Variants in MOB3B observed in about 807,000 individuals in gnomAD.
MOB3B encodes MOB kinase activator 3B.
Under a neutral mutation model 18.7 loss-of-function variants are expected in MOB3B, and 7 were observed. That is an observed-to-expected ratio of 0.37 (90% CI 0.21 to 0.70). The LOEUF is 0.70. Among genes scored for constraint, MOB3B ranks in the 30% least tolerant of loss-of-function variants. The pLI, the probability that MOB3B is intolerant of heterozygous loss-of-function variation, is 0.52. For missense variants in MOB3B, 253 were observed against 281.3 expected, an observed-to-expected ratio of 0.90 and a Z score of 0.72; for synonymous variants, 111 against 99.9, an observed-to-expected ratio of 1.11 and a Z score of -0.66.
At chr9:27,419,176 C>T (rs1463398201) in intron 2 of MOB3B, among the ~76,000 whole-genome samples, 1 of 151,596 alleles carries the variant, frequency 6.6e-6, no homozygotes, top group Non-Finnish European at 1.5e-5. Context: ...CATATGGAAA[C>T]TCATCCCATG....
chr9:27,420,554 T>TATATAC (rs1822230365), intron 2 of MOB3B, among the ~76,000 whole-genome samples: 4 of 31,156 alleles, frequency 1.3e-4, no homozygotes, highest in African/African-American at 4.9e-4. Context: ...ATTCCATATA[T>TATATAC]ATATATATAT....
Position 27,368,924 on chromosome 9 carries a change from C to T in MOB3B, c.419-9688G>A, listed in dbSNP as rs61261339. ...AGCATCCCCAGCTCCCAGATGGCTG[C>T]CTTTGTCCCCTGCTTTCACAGCATG... On this transcript the variant is annotated intron_variant, in intron 2 of 3. Transcript: ENST00000262244. Among the ~76,000 whole-genome samples the T allele has an allele frequency of 4.4e-3, 663 of 152,280 alleles. 2 individuals are homozygous for T. The highest frequency in any genetic ancestry group is 0.015 in the African/African-American group (609 of 41,552).
chr9:27,521,528 T>C (rs185500462), intron 1 of MOB3B, among the ~76,000 whole-genome samples: 214 of 152,292 alleles, frequency 1.4e-3, no homozygotes, highest in African/African-American at 4.8e-3. Context: ...TATACAATTA[T>C]CTGTTTTTTA....
chr9:27,452,206 GTCCATCCATCCA>G (rs74178389), intron 2 of MOB3B, among the ~76,000 whole-genome samples: 5 of 151,644 alleles, frequency 3.3e-5, no homozygotes, highest in Admixed American at 1.3e-4. Flanking sequence ...CCACCCACCC[GTCCATCCATCCA>G]TCCATCCATC....
At chr9:27,334,030 T>C (rs929385051) in intron 3 of MOB3B, among the ~76,000 whole-genome samples, 1 of 152,238 alleles carries the variant, frequency 6.6e-6, no homozygotes, top group South Asian at 2.1e-4. Flanking sequence ...AGCTCCTTTC[T>C]TGGGTATCTC....
At chr9:27,331,809 T>A (rs1330351883) in intron 3 of MOB3B, among the ~76,000 whole-genome samples, 1 of 152,170 alleles carries the variant, frequency 6.6e-6, no homozygotes, top group Non-Finnish European at 1.5e-5. Flanking sequence ...CCACACCTTA[T>A]ATAATAGGAA....
At chr9:27,417,101 C>G (rs901194175) in intron 2 of MOB3B, among the ~76,000 whole-genome samples, 1 of 152,172 alleles carries the variant, frequency 6.6e-6, no homozygotes. Context: ...CAGTGGCTCA[C>G]GCCTGTAATC....
intron 2 of MOB3B, among the ~76,000 whole-genome samples, chr9:27,415,653 G>A (rs1391536494): frequency 3.9e-5 from 6 of 152,136 alleles, no homozygotes. Context: ...CAACAGGCTA[G>A]CAGAGCCCCA....
chr9:27,417,406 AAAC>A (rs1372249735), intron 2 of MOB3B, among the ~76,000 whole-genome samples: 12 of 152,010 alleles, frequency 7.9e-5, no homozygotes, highest in African/African-American at 1.2e-4. Context: ...CAAACAAACA[AAAC>A]GTCAAATGCC....
intron 1 of MOB3B, among the ~76,000 whole-genome samples, chr9:27,525,784 C>G (rs1235224512): frequency 6.6e-6 from 1 of 152,212 alleles, no homozygotes; most frequent in African/African-American, 2.4e-5. Context: ...AACAATTTTA[C>G]ATTAGATTTT....
chr9:27,443,145 G>C (rs1822620712), intron 2 of MOB3B, among the ~76,000 whole-genome samples: 1 of 152,138 alleles, frequency 6.6e-6, no homozygotes. Flanking sequence ...GTTCCCAAGG[G>C]ATCCTGATGC....
At chr9:27,450,360 T>A (rs947432740) in intron 2 of MOB3B, among the ~76,000 whole-genome samples, 10 of 152,118 alleles carry the variant, frequency 6.6e-5, no homozygotes, top group South Asian at 2.1e-4. Flanking sequence ...AATAAATTAA[T>A]AATAAATGGC....
intron 3 of MOB3B, among the ~76,000 whole-genome samples, chr9:27,354,755 G>A (rs1821160402): frequency 6.6e-6 from 1 of 152,176 alleles, no homozygotes; most frequent in Admixed American, 6.5e-5. Context: ...AGCCCTCAAA[G>A]AGTTGACAAT....
At chr9:27,475,516 T>A (rs1479667472) in intron 1 of MOB3B, among the ~76,000 whole-genome samples, 1 of 152,242 alleles carries the variant, frequency 6.6e-6, no homozygotes, top group Admixed American at 6.5e-5. Context: ...ATAACTAGTA[T>A]AATCAAGAAT....
chr9:27,422,031 G>C (rs1237724673), intron 2 of MOB3B, among the ~76,000 whole-genome samples: 1 of 152,212 alleles, frequency 6.6e-6, no homozygotes, highest in Non-Finnish European at 1.5e-5. Context: ...TCCTCAGTAA[G>C]TGTCAAAACA....
chr9:27,474,151 A>G (rs1406236510), intron 1 of MOB3B, among the ~76,000 whole-genome samples: 1 of 152,204 alleles, frequency 6.6e-6, no homozygotes, highest in African/African-American at 2.4e-5. Flanking sequence ...TCTCATTTTT[A>G]TTATAGTCTA....
At chr9:27,348,753 A>C (rs1821066445) in intron 3 of MOB3B, among the ~76,000 whole-genome samples, 1 of 152,196 alleles carries the variant, frequency 6.6e-6, no homozygotes, top group African/African-American at 2.4e-5. Context: ...AGTGGGAAGA[A>C]GGTTGGGTTA....
chr9:27,365,603 T>G (rs1821332779), intron 2 of MOB3B, among the ~76,000 whole-genome samples: 1 of 152,182 alleles, frequency 6.6e-6, no homozygotes, highest in Non-Finnish European at 1.5e-5. Flanking sequence ...TTACAAGATC[T>G]CTAAGTGATT....
At position 27,328,093 on chromosome 9, in the gene MOB3B, G is replaced by C. The variant is rs1820737316; in HGVS notation, c.*2494C>G. 1 of 150,660 alleles carries C rather than the reference G, an allele frequency of 6.6e-6. No individual in the cohort carries two copies. Among genetic ancestry groups the C allele is most frequent in the African/African-American group, 2.4e-5 (1 of 41,000 alleles). The allele number at this position is 150,660 out of a possible 1,614,324, so 9.3% of individuals were successfully genotyped here. On this transcript the variant is annotated 3_prime_UTR_variant, in exon 4 of 4. Coordinates refer to ENST00000262244, the MANE Select transcript of MOB3B (RefSeq NM_024761.5). ...AAAAAAAAGGAAGAAAAGAAAACAA[G>C]GCAAAACATTAACAACTGATGCACT...
Sources: allele counts gnomAD v4.1 joint callset (sites outside exome capture counted in the v4.1 genomes callset), GRCh38; gene constraint gnomAD v4.1.1; transcripts MANE v1.5; gene names NCBI Gene and HGNC (gene_info 2026-07-23, HGNC 2026-07-21).